The following CAMK1D variants were observed in gnomAD, a reference collection of about 807,000 sequenced individuals.
The protein encoded by CAMK1D is calcium/calmodulin dependent protein kinase ID, also known as calcium/calmodulin-dependent protein kinase type 1D.
CAMK1D carries 9 observed loss-of-function variants against 47.7 expected under a neutral mutation model. The observed-to-expected ratio is 0.19, with a 90% confidence interval of 0.11 to 0.33. CAMK1D has a LOEUF of 0.33. Ranked by LOEUF, CAMK1D falls within the 10% of genes least tolerant of loss-of-function variation. CAMK1D has a pLI of 1.00. For missense variants in CAMK1D, 291 were observed against 488.7 expected, an observed-to-expected ratio of 0.60 and a Z score of 3.81; for synonymous variants, 184 against 184.9, an observed-to-expected ratio of 0.99 and a Z score of 0.04.
intron 1 of CAMK1D, among the ~76,000 whole-genome samples, chr10:12,526,240 T>G (rs1013903280): frequency 6.6e-6 from 1 of 152,232 alleles, no homozygotes; most frequent in Non-Finnish European, 1.5e-5. Context: ...AGTTAAGTTT[T>G]CAAAGCCTTT....
chr10:12,817,172 A>G (rs187457222), intron 8 of CAMK1D, among the ~76,000 whole-genome samples: 3 of 152,314 alleles, frequency 2.0e-5, no homozygotes, highest in Non-Finnish European at 4.4e-5. Flanking sequence ...CCCTCCCACA[A>G]CACGTGGGAA....
At chr10:12,797,796 A>G (rs1361359222) in intron 6 of CAMK1D, among the ~76,000 whole-genome samples, 2 of 152,160 alleles carry the variant, frequency 1.3e-5, no homozygotes, top group East Asian at 3.9e-4. Flanking sequence ...CTTTAGTTGC[A>G]GGCAGAATTT....
chr10:12,556,125 G>A (rs1001061414), intron 2 of CAMK1D, among the ~76,000 whole-genome samples: 2 of 152,126 alleles, frequency 1.3e-5, no homozygotes, highest in Non-Finnish European at 2.9e-5. Context: ...GTGATCTATA[G>A]TAACTCCCGC....
chr10:12,802,735 T>C (rs891709790), intron 6 of CAMK1D, among the ~76,000 whole-genome samples: 4 of 152,220 alleles, frequency 2.6e-5, no homozygotes, highest in Non-Finnish European at 4.4e-5. Context: ...TTGGCCAGGC[T>C]GGTCTTGAAC....
At chr10:12,756,789 G>T (rs149646605) in intron 3 of CAMK1D, among the ~76,000 whole-genome samples, 1 of 152,160 alleles carries the variant, frequency 6.6e-6, no homozygotes, top group Non-Finnish European at 1.5e-5. Context: ...TTAGCCGGGC[G>T]TGGTGGTGGC....
chr10:12,587,259 C>G (rs548794074), intron 2 of CAMK1D, among the ~76,000 whole-genome samples: 1 of 152,286 alleles, frequency 6.6e-6, no homozygotes, highest in East Asian at 1.9e-4. Flanking sequence ...AGCCAGCCCA[C>G]GATCGCTTTC....
chr10:12,806,327 C>T lies in CAMK1D; in HGVS notation c.642-7868C>T, dbSNP rs1347859274. On this transcript the variant is annotated intron_variant, in intron 6 of 10. Coordinates refer to ENST00000619168, the MANE Select transcript of CAMK1D (RefSeq NM_153498.4). The stretch of plus-strand genomic sequence containing the variant: ...CCATGCCTGGGACCTGGTCAGTGCT[C>T]AGTCTTTGGTGACAGCCAGAGGAGT... 2.6e-5 allele frequency among the ~76,000 whole-genome samples: 4 copies of T among 152,200 alleles called. No homozygotes were observed. In the East Asian group the frequency reaches 5.8e-4, roughly 22 times the overall value.
intron 2 of CAMK1D, among the ~76,000 whole-genome samples, chr10:12,569,301 T>C (rs1279774172): frequency 3.9e-5 from 6 of 152,242 alleles, no homozygotes; most frequent in Non-Finnish European, 8.8e-5. Context: ...GAATTTTTCA[T>C]AGTGTCTTTT....
intron 2 of CAMK1D, among the ~76,000 whole-genome samples, chr10:12,620,619 C>T (rs1403368620): frequency 6.6e-6 from 1 of 152,152 alleles, no homozygotes; most frequent in Non-Finnish European, 1.5e-5. Context: ...CTGGGTTGTT[C>T]ACTTTTTTTG....
At chr10:12,726,045 C>T (rs561772519) in intron 3 of CAMK1D, among the ~76,000 whole-genome samples, 5 of 152,144 alleles carry the variant, frequency 3.3e-5, no homozygotes, top group African/African-American at 4.8e-5. Context: ...GCATGAGCCA[C>T]GTCACCCGGC....
At chr10:12,765,148 TCTC>T (rs527827285) in intron 4 of CAMK1D, among the ~76,000 whole-genome samples, 3 of 152,282 alleles carry the variant, frequency 2.0e-5, no homozygotes, top group African/African-American at 7.2e-5. Flanking sequence ...TTTCTTCTAA[TCTC>T]CTGCTTCATC....
At chr10:12,411,688 T>C (rs995479358) in intron 1 of CAMK1D, among the ~76,000 whole-genome samples, 5 of 151,786 alleles carry the variant, frequency 3.3e-5, no homozygotes, top group African/African-American at 1.2e-4. Flanking sequence ...AACCTTCACC[T>C]TCTGGGTTCA....
At chr10:12,804,517 G>T (rs1838628010) in intron 6 of CAMK1D, among the ~76,000 whole-genome samples, 1 of 152,112 alleles carries the variant, frequency 6.6e-6, no homozygotes, top group South Asian at 2.1e-4. Context: ...GGGAAGATGG[G>T]TTGGGAGAAT....
chr10:12,605,406 C>A (rs1275632353), intron 2 of CAMK1D, among the ~76,000 whole-genome samples: 2 of 151,366 alleles, frequency 1.3e-5, no homozygotes, highest in Non-Finnish European at 2.9e-5. Context: ...CATATATACA[C>A]CCCTTGGCCA....
chr10:12,573,846 T>TTTTTTC (rs1837405881), intron 2 of CAMK1D, among the ~76,000 whole-genome samples: 1 of 134,114 alleles, frequency 7.5e-6, no homozygotes, highest in Non-Finnish European at 1.6e-5. Context: ...TTTTTTTTTT[T>TTTTTTC]TTTTTTTTTT....
At position 12,819,196 on chromosome 10, in the gene CAMK1D, C is replaced by T. The variant is rs553715524; in HGVS notation, c.833+2868C>T. Among the ~76,000 whole-genome samples, 33 of 152,164 alleles carry T rather than the reference C, an allele frequency of 2.2e-4. 1 individual carries two copies. Among genetic ancestry groups the T allele is most frequent in the Non-Finnish European group, 4.6e-4 (31 of 68,022 alleles). On this transcript the variant is annotated intron_variant, in intron 8 of 10. Coordinates refer to ENST00000619168, the MANE Select transcript of CAMK1D (RefSeq NM_153498.4). ...GAGGCTGGGAGAGGGGCACAGAGGG[C>T]CCAGCAGGAGGTGGAGGCCCTGCTG...
At chr10:12,706,985 C>T (rs570181316) in intron 3 of CAMK1D, among the ~76,000 whole-genome samples, 133 of 152,166 alleles carry the variant, frequency 8.7e-4, no homozygotes, top group African/African-American at 3.0e-3. Flanking sequence ...TAAAGGAAGA[C>T]GGACAAACTG....
chr10:12,728,240 G>A (rs1335834353), intron 3 of CAMK1D, among the ~76,000 whole-genome samples: 1 of 152,176 alleles, frequency 6.6e-6, no homozygotes, highest in South Asian at 2.1e-4. Flanking sequence ...ATTTTTGTTC[G>A]ATTAAAGATA....
intron 1 of CAMK1D, among the ~76,000 whole-genome samples, chr10:12,532,995 A>G (rs1045568797): frequency 6.6e-6 from 1 of 152,076 alleles, no homozygotes; most frequent in African/African-American, 2.4e-5. Context: ...TAATTGGTAC[A>G]AAAAATAGAA....
Sources: gnomAD v4.1 joint callset for allele counts (sites outside exome capture counted in the v4.1 genomes callset) on GRCh38, gnomAD v4.1.1 for gene constraint, MANE v1.5 for transcripts, NCBI Gene and HGNC (gene_info 2026-07-23, HGNC 2026-07-21) for gene names.